KAZN: variants seen among roughly 807,000 people sequenced by gnomAD.
KAZN encodes kazrin, periplakin interacting protein, also known as kazrin.
In KAZN, 40 loss-of-function variants were observed where a neutral mutation model predicts 87.4. The ratio of observed to expected loss-of-function variants is 0.46; its 90% confidence interval spans 0.36 to 0.60. The LOEUF (loss-of-function observed/expected upper bound fraction) is 0.60. Ranked by LOEUF, KAZN falls within the 20% of genes least tolerant of loss-of-function variation. The pLI is 0.00. For synonymous variants in KAZN, 466 were observed against 458.3 expected (o/e 1.02, Z -0.22); for missense variants, 898 against 1,073.9 (o/e 0.84, Z 2.29).
At chr1:14,614,529 C>A (rs1430967207) in intron 1 of KAZN, among the ~76,000 whole-genome samples, 1 of 152,220 alleles carries the variant, frequency 6.6e-6, no homozygotes, top group Non-Finnish European at 1.5e-5. Flanking sequence ...AGGCTGGACC[C>A]AGCCTGGGTG....
chr1:14,283,039 G>T (rs776312038), intron 2 of KAZN, among the ~76,000 whole-genome samples: 2 of 152,170 alleles, frequency 1.3e-5, no homozygotes, highest in Admixed American at 1.3e-4. Context: ...GGAAGCATTC[G>T]CAGAGCAAAG....
In KAZN at chr1:14,227,449, C is replaced by T. The variant is rs141563150; in HGVS notation, c.249+46857C>T. 2.8e-4 allele frequency among the ~76,000 whole-genome samples: 42 copies of T among 152,258 alleles called. 1 individual carries two copies. In the East Asian group the frequency reaches 7.9e-3, roughly 29 times the overall value. ...CTCTGCTTCACTCACTCACCTGGCT[C>T]CTTGGCTGGAGGGTTGCAGACAGGA... On this transcript the variant is annotated intron_variant, in intron 2 of 16. Transcript: ENST00000636203.
chr1:14,713,013 C>T (rs1205593920), intron 1 of KAZN, among the ~76,000 whole-genome samples: 1 of 152,156 alleles, frequency 6.6e-6, no homozygotes, highest in Non-Finnish European at 1.5e-5. Flanking sequence ...ACCACAAGCC[C>T]TCAGTGGCAT....
At chr1:14,502,151 A>G (rs1048562054) in intron 2 of KAZN, among the ~76,000 whole-genome samples, 2 of 151,748 alleles carry the variant, frequency 1.3e-5, no homozygotes, top group African/African-American at 4.8e-5. Context: ...TTTTTTTTTA[A>G]TGTCCCCTGA....
At chr1:14,758,897 A>G (rs1339940943) in intron 1 of KAZN, among the ~76,000 whole-genome samples, 1 of 126,114 alleles carries the variant, frequency 7.9e-6, no homozygotes, top group East Asian at 2.0e-4. Context: ...GAGCTGGGTC[A>G]TTTGAATCCA....
intron 2 of KAZN, among the ~76,000 whole-genome samples, chr1:14,362,609 C>A (rs964438175): frequency 6.6e-6 from 1 of 152,210 alleles, no homozygotes; most frequent in Non-Finnish European, 1.5e-5. Flanking sequence ...GGCTAAGATA[C>A]TCTGGCCCTA....
chr1:14,480,296 A>G (rs1487301815), intron 2 of KAZN, among the ~76,000 whole-genome samples: 1 of 152,226 alleles, frequency 6.6e-6, no homozygotes, highest in African/African-American at 2.4e-5. Context: ...AGGTAGCTAC[A>G]GCCAACAACA....
At chr1:14,572,824 G>T (rs1674953110) in intron 2 of KAZN, among the ~76,000 whole-genome samples, 1 of 152,184 alleles carries the variant, frequency 6.6e-6, no homozygotes, top group Non-Finnish European at 1.5e-5. Flanking sequence ...CCCCTTCTTG[G>T]ACTCATTATT....
At chr1:14,074,386 T>C (rs1269575837) in intron 1 of KAZN, among the ~76,000 whole-genome samples, 1 of 152,146 alleles carries the variant, frequency 6.6e-6, no homozygotes, top group African/African-American at 2.4e-5. Flanking sequence ...GCCCAAGATC[T>C]GTCTACATCC....
At chr1:14,477,458 CTCTCTT>C (rs1668814141) in intron 2 of KAZN, among the ~76,000 whole-genome samples, 1 of 139,566 alleles carries the variant, frequency 7.2e-6, no homozygotes, top group African/African-American at 3.1e-5. Context: ...CTCTCTCTCT[CTCTCTT>C]TCTCTCTCTC....
At chr1:14,970,322 A>T (rs1435953345) in intron 2 of KAZN, among the ~76,000 whole-genome samples, 1 of 152,148 alleles carries the variant, frequency 6.6e-6, no homozygotes, top group Non-Finnish European at 1.5e-5. Context: ...AAGTCACCTG[A>T]CCAAGCCCTG....
chr1:14,665,944 A>AAAAG (rs908073182), intron 1 of KAZN, among the ~76,000 whole-genome samples: 2 of 151,824 alleles, frequency 1.3e-5, no homozygotes, highest in African/African-American at 4.8e-5. Context: ...AAAAAAAAAA[A>AAAAG]AAAAAAAAAT....
intron 2 of KAZN, among the ~76,000 whole-genome samples, chr1:14,205,951 A>G (rs543987025): frequency 2.0e-4 from 30 of 147,276 alleles, no homozygotes; most frequent in Non-Finnish European, 4.3e-4. Context: ...CAACACACCA[A>G]CGTGGCGCAT....
At chr1:13,987,197 G>A (rs1219277895) in intron 1 of KAZN, among the ~76,000 whole-genome samples, 2 of 152,082 alleles carry the variant, frequency 1.3e-5, no homozygotes, top group Non-Finnish European at 2.9e-5. Context: ...TACATGCACA[G>A]AACGTGCAGG....
At chr1:14,358,730 A>G (rs369704760) in intron 2 of KAZN, among the ~76,000 whole-genome samples, 24 of 152,188 alleles carry the variant, frequency 1.6e-4, no homozygotes, top group African/African-American at 5.8e-4. Context: ...GTAGTTGTGA[A>G]GTTCTGAGTG....
chr1:14,806,911 A>T (rs190194845), intron 1 of KAZN, among the ~76,000 whole-genome samples: 2 of 152,360 alleles, frequency 1.3e-5, no homozygotes, highest in East Asian at 3.9e-4. Flanking sequence ...TTGTTCTCAC[A>T]TGCCCACCTA....
At chr1:14,098,004 A>G (rs778989850) in intron 1 of KAZN, among the ~76,000 whole-genome samples, 60 of 152,230 alleles carry the variant, frequency 3.9e-4, no homozygotes, top group Non-Finnish European at 5.9e-4. Context: ...ATCTCATTGA[A>G]TCTTCACCAC....
chr1:14,194,155 T>A (rs1466055295), intron 2 of KAZN, among the ~76,000 whole-genome samples: 1 of 152,126 alleles, frequency 6.6e-6, no homozygotes, highest in Non-Finnish European at 1.5e-5. Context: ...CAGGTGATCT[T>A]TAGGGCTTCT....
At chr1:14,979,293 CA>C (rs1167854884) in intron 2 of KAZN, among the ~76,000 whole-genome samples, 2 of 151,606 alleles carry the variant, frequency 1.3e-5, no homozygotes, top group African/African-American at 4.8e-5. Context: ...CCTGTAATCC[CA>C]GCTACTCAGG....
Sources: gnomAD v4.1 joint callset for allele counts (sites outside exome capture counted in the v4.1 genomes callset) on GRCh38, gnomAD v4.1.1 for gene constraint, MANE v1.5 for transcripts, NCBI Gene and HGNC (gene_info 2026-07-23, HGNC 2026-07-21) for gene names.